The following ERC2 variants were observed in gnomAD, a reference collection of about 807,000 sequenced individuals.
The protein encoded by ERC2 is ELKS/RAB6-interacting/CAST family member 2, also known as ERC protein 2.
In ERC2, 42 loss-of-function variants were observed where a neutral mutation model predicts 114.8. The observed-to-expected ratio is 0.37, with a 90% CI of 0.29 to 0.47. The LOEUF is 0.47. Among genes scored for constraint, ERC2 ranks in the 20% least tolerant of loss-of-function variants. The pLI, the probability that ERC2 is intolerant of heterozygous loss-of-function variation, is 0.99. For missense variants in ERC2, 939 were observed against 1,150.7 expected (o/e 0.82, Z 2.66); for synonymous variants, 454 against 425.5 (o/e 1.07, Z -0.82).
At chr3:56,434,196 G>T in intron 2 of ERC2, 155 bp downstream of exon 2, 4 of 574,068 alleles carry the variant, frequency 7.0e-6, no homozygotes, top group South Asian at 2.1e-5. Context: ...TATTTCCTAT[G>T]CTCTCTCATA....
At chr3:56,085,753 C>T (rs1220477576) in intron 6 of ERC2, among the ~76,000 whole-genome samples, 1 of 152,140 alleles carries the variant, frequency 6.6e-6, no homozygotes, top group Non-Finnish European at 1.5e-5. Context: ...ATTGGCAGAA[C>T]ATGCTGAACA....
At chr3:55,812,489 A>T (rs1473119978) in intron 14 of ERC2, among the ~76,000 whole-genome samples, 1 of 152,234 alleles carries the variant, frequency 6.6e-6, no homozygotes, top group Non-Finnish European at 1.5e-5. Context: ...TGGATTCCAG[A>T]TTCCAAAGAT....
chr3:55,694,979 T>C (rs1460718576), intron 16 of ERC2, among the ~76,000 whole-genome samples: 2 of 152,162 alleles, frequency 1.3e-5, no homozygotes, highest in African/African-American at 4.8e-5. Flanking sequence ...ATGAGCTTAA[T>C]AAAATATGAC....
At chr3:56,004,229 T>C (rs763170200) in intron 10 of ERC2, among the ~76,000 whole-genome samples, 19 of 152,102 alleles carry the variant, frequency 1.2e-4, no homozygotes, top group Non-Finnish European at 2.4e-4. Context: ...AAATACTCTT[T>C]TGAAAGACAA....
At chr3:56,208,877 A>C (rs2048891514) in intron 3 of ERC2, among the ~76,000 whole-genome samples, 1 of 152,162 alleles carries the variant, frequency 6.6e-6, no homozygotes, top group African/African-American at 2.4e-5. Context: ...CAGGCTGAGA[A>C]ACTGCAGAAT....
intron 1 of ERC2, among the ~76,000 whole-genome samples, chr3:56,454,578 G>A (rs968651075): frequency 3.1e-4 from 47 of 152,096 alleles, no homozygotes; most frequent in African/African-American, 1.1e-3. Context: ...CACATAAAAT[G>A]GAATATTATT....
At chr3:56,032,989 A>C (rs1370137380) in intron 7 of ERC2, among the ~76,000 whole-genome samples, 1 of 115,220 alleles carries the variant, frequency 8.7e-6, no homozygotes. Context: ...GAAAGAAAGA[A>C]AGAAAGAAAG....
Position 56,060,588 on chromosome 3 carries a change from C to T in ERC2, c.1641+20229G>A, listed in dbSNP as rs549302362. On this transcript the variant is annotated intron_variant, in intron 7 of 17. Coordinates refer to ENST00000288221, the MANE Select transcript of ERC2 (RefSeq NM_015576.3). ...ATACCCAACAGGTGCTTCATAAAGG[C>T]TAATGACGGTGGCAGTGACCACAAC... 5.9e-5 allele frequency among the ~76,000 whole-genome samples: 9 copies of T among 152,326 alleles called. No individual in the cohort carries two copies. In the South Asian group the frequency reaches 1.9e-3, roughly 32 times the overall value.
At chr3:56,160,671 G>A (rs1204718011) in intron 4 of ERC2, among the ~76,000 whole-genome samples, 1 of 152,150 alleles carries the variant, frequency 6.6e-6, no homozygotes, top group Non-Finnish European at 1.5e-5. Context: ...TGAAATGTAA[G>A]TGTCTAGTTT....
chr3:56,293,867 T>C (rs1386993937), intron 3 of ERC2, among the ~76,000 whole-genome samples: 1 of 152,218 alleles, frequency 6.6e-6, no homozygotes, highest in Non-Finnish European at 1.5e-5. Flanking sequence ...GGCAGCCACA[T>C]AAGGCACCAT....
At chr3:55,604,105 A>G (rs537770751) in intron 17 of ERC2, among the ~76,000 whole-genome samples, 126 of 152,292 alleles carry the variant, frequency 8.3e-4, no homozygotes, top group African/African-American at 2.9e-3. Flanking sequence ...TATTTCCTTA[A>G]TGATTCAACA....
At chr3:56,081,253 T>C (rs1221899179) in intron 6 of ERC2, among the ~76,000 whole-genome samples, 2 of 152,184 alleles carry the variant, frequency 1.3e-5, no homozygotes, top group African/African-American at 4.8e-5. Flanking sequence ...GGTTTCCATG[T>C]TTGTTTCCCT....
At chr3:55,624,789 G>A (rs1430030805) in intron 17 of ERC2, among the ~76,000 whole-genome samples, 1 of 152,020 alleles carries the variant, frequency 6.6e-6, no homozygotes, top group East Asian at 1.9e-4. Context: ...CTGTGGTGTC[G>A]GTATGATAAA....
intron 14 of ERC2, among the ~76,000 whole-genome samples, chr3:55,765,948 C>T (rs1217911532): frequency 6.6e-6 from 1 of 152,158 alleles, no homozygotes; most frequent in Non-Finnish European, 1.5e-5. Context: ...GAGTAGGGTG[C>T]AGTCTTTTAA....
intron 17 of ERC2, among the ~76,000 whole-genome samples, chr3:55,579,691 C>T (rs1417729869): frequency 3.9e-5 from 6 of 152,216 alleles, no homozygotes; most frequent in East Asian, 1.9e-4. Flanking sequence ...CTGGTGTGCA[C>T]GGCAGAAATG....
chr3:56,049,057 G>A (rs1049210808), intron 7 of ERC2, among the ~76,000 whole-genome samples: 33 of 152,306 alleles, frequency 2.2e-4, no homozygotes, highest in African/African-American at 7.0e-4. Flanking sequence ...CCAAAGGGGG[G>A]CAGGCAGTAC....
At position 56,253,128 on chromosome 3, in the gene ERC2, C is replaced by T. The variant is rs564687510; in HGVS notation, c.1074+42891G>A. ...GTTTTTCACTGCTGTACCTTACCAG[C>T]TGGTTATTCTAAGAAGGAATCATGT... On this transcript the variant is annotated intron_variant, in intron 3 of 17. Transcript: ENST00000288221. Among the ~76,000 whole-genome samples, 5 of 152,274 alleles carry T rather than the reference C, an allele frequency of 3.3e-5. No individual in the cohort carries two copies. In the South Asian group the frequency reaches 1.0e-3, roughly 32 times the overall value.
chr3:55,675,899 CTTTCTTTTTTTTTTT>C (rs2061773638), intron 17 of ERC2, among the ~76,000 whole-genome samples: 7 of 58,152 alleles, frequency 1.2e-4, no homozygotes, highest in East Asian at 4.1e-4. Context: ...TTTCTCTTTT[CTTTCTTTTTTTTTTT>C]TTTTTTTTTT....
Position 55,683,782 on chromosome 3 carries a change from A to G in ERC2, c.*39+12T>C, listed in dbSNP as rs2062180649. 10 of 1,602,812 alleles carry G rather than the reference A, an allele frequency of 6.2e-6. No homozygotes were observed. Among genetic ancestry groups the G allele is most frequent in the Non-Finnish European group, 8.5e-6 (10 of 1,171,648 alleles). On this transcript the variant is annotated intron_variant, in intron 17 of 17. Transcript: ENST00000288221. ...TTTTTTAATAAAAATGATATAAAAG[A>G]TGGTTTCTCACCCCTCAAAACAAAA...
Sources: allele counts gnomAD v4.1 joint callset (sites outside exome capture counted in the v4.1 genomes callset), GRCh38; gene constraint gnomAD v4.1.1; transcripts MANE v1.5; gene names NCBI Gene and HGNC (gene_info 2026-07-23, HGNC 2026-07-21).